The following NARS2 variants were observed in gnomAD, a reference collection of about 807,000 sequenced individuals.
The protein encoded by NARS2 is asparaginyl-tRNA synthetase.
NARS2 carries 60 observed loss-of-function variants against 62.9 expected under a neutral mutation model. The ratio of observed to expected loss-of-function variants is 0.95; its 90% CI spans 0.77 to 1.18. NARS2 has a LOEUF of 1.18. Ranked by LOEUF, NARS2 falls within the 50% of genes most tolerant of loss-of-function variation. The pLI, the probability that NARS2 is intolerant of heterozygous loss-of-function variation, is 0.00. For synonymous variants in NARS2, 196 were observed against 200.0 expected (o/e 0.98, Z 0.17); for missense variants, 619 against 576.4 (o/e 1.07, Z -0.76).
At chr11:78,463,847 C>G (rs1195884815) in intron 11 of NARS2, among the ~76,000 whole-genome samples, 1 of 151,812 alleles carries the variant, frequency 6.6e-6, no homozygotes, top group Non-Finnish European at 1.5e-5. Context: ...TGCCTGTATC[C>G]CTTCATAGCC....
chr11:78,523,401 C>T (rs1395521513), intron 6 of NARS2, among the ~76,000 whole-genome samples: 1 of 152,176 alleles, frequency 6.6e-6, no homozygotes, highest in Non-Finnish European at 1.5e-5. Context: ...CTGTGGAAAA[C>T]AGACTAGCAA....
chr11:78,443,492 G>A (rs927135174), intron 12 of NARS2, among the ~76,000 whole-genome samples, 169 bp downstream of exon 12: 1 of 152,040 alleles, frequency 6.6e-6, no homozygotes, highest in Non-Finnish European at 1.5e-5. Flanking sequence ...CCTGAAGAAC[G>A]GGAAGCTCAG....
chr11:78,438,434 C>A (rs1591114176), intron 13 of NARS2, among the ~76,000 whole-genome samples: 2 of 152,206 alleles, frequency 1.3e-5, no homozygotes, highest in Middle Eastern at 6.8e-3. Context: ...AACAGCACAC[C>A]AAACTACCTG....
intron 9 of NARS2, among the ~76,000 whole-genome samples, 159 bp downstream of exon 9, chr11:78,478,279 G>C (rs1859190758): frequency 6.6e-6 from 1 of 151,454 alleles, no homozygotes; most frequent in Non-Finnish European, 1.5e-5. Context: ...GTCTTGCCTG[G>C]AATCTGGGGA....
intron 2 of NARS2, 133 bp from the exon 3 acceptor site, chr11:78,568,885 G>C (rs975471968): frequency 1.6e-6 from 1 of 617,692 alleles, no homozygotes; most frequent in African/African-American, 1.8e-5. Context: ...ATAATCTTCA[G>C]AATCTATGGA....
intron 6 of NARS2, among the ~76,000 whole-genome samples, chr11:78,505,921 A>G (rs1420340871): frequency 6.6e-6 from 1 of 152,176 alleles, no homozygotes; most frequent in East Asian, 1.9e-4. Flanking sequence ...TGGAAAGAAA[A>G]GGCAGACTGG....
At chr11:78,456,271 C>T (rs1858160179) in intron 11 of NARS2, among the ~76,000 whole-genome samples, 1 of 152,114 alleles carries the variant, frequency 6.6e-6, no homozygotes, top group East Asian at 1.9e-4. Flanking sequence ...GTAACAAAAC[C>T]TTAGAAGTCT....
chr11:78,541,991 C>A (rs1162949878), intron 5 of NARS2, among the ~76,000 whole-genome samples: 1 of 152,200 alleles, frequency 6.6e-6, no homozygotes, highest in Non-Finnish European at 1.5e-5. Flanking sequence ...TTTCACTAAT[C>A]TAAAAATTTC....
intron 7 of NARS2, among the ~76,000 whole-genome samples, chr11:78,492,546 C>G (rs978601316): frequency 6.6e-6 from 1 of 152,180 alleles, no homozygotes; most frequent in Non-Finnish European, 1.5e-5. Context: ...ATGACCATCT[C>G]TCCAGCCTTG....
Position 78,571,408 on chromosome 11 carries a change from A to C in NARS2, c.178T>G (p.Leu60Val). 6.2e-7 allele frequency: 1 copy of C among 1,613,632 alleles called. No homozygotes were observed. Among genetic ancestry groups the C allele is most frequent in the Non-Finnish European group, 8.5e-7 (1 of 1,179,884 alleles). ...IRSVRSQKEVLFLHVNDGSSL... is the reference protein window; with the variant it reads ...IRSVRSQKEVVFLHVNDGSSL... ...GACCCATCATTTACATGCAGGAACA[A>C]GACTTCCTTCTGGGATCGGACAGAA... Residue 60 changes from leucine (L) to valine (V), a missense_variant, in exon 2 of 14, where the codon TTG becomes GTG. Physicochemically the swap from Leu to Val is conservative, Grantham distance 32. Coordinates refer to ENST00000281038, the MANE Select transcript of NARS2 (RefSeq NM_024678.6).
intron 11 of NARS2, among the ~76,000 whole-genome samples, chr11:78,459,522 G>A (rs1441984689): frequency 1.2e-4 from 18 of 151,700 alleles, no homozygotes; most frequent in Admixed American, 9.2e-4. Context: ...CACCCGCCTC[G>A]GCCTCCCAAA....
At chr11:78,562,570 TCA>T (rs1267657815) in intron 4 of NARS2, among the ~76,000 whole-genome samples, 1 of 152,172 alleles carries the variant, frequency 6.6e-6, no homozygotes, top group African/African-American at 2.4e-5. Context: ...TTCTACTGGC[TCA>T]CTGAGGAAGA....
At chr11:78,470,217 T>C (rs1858809386) in intron 9 of NARS2, among the ~76,000 whole-genome samples, 1 of 152,216 alleles carries the variant, frequency 6.6e-6, no homozygotes, top group Non-Finnish European at 1.5e-5. Context: ...AGGAAAATAC[T>C]GATTCTCTCC....
chr11:78,571,308 A>C (rs1369738637), intron 2 of NARS2, 27 bp downstream of exon 2: 3 of 1,484,474 alleles, frequency 2.0e-6, no homozygotes, highest in Non-Finnish European at 2.8e-6. Context: ...CAAAAATCAA[A>C]GAATTCTTTT....
intron 1 of NARS2, chr11:78,573,680 T>C (rs1035428446): frequency 6.6e-6 from 1 of 152,400 alleles, no homozygotes; most frequent in Non-Finnish European, 1.5e-5. Flanking sequence ...ATTTGTAGAC[T>C]ATGAGCCACT....
intron 11 of NARS2, among the ~76,000 whole-genome samples, chr11:78,455,415 T>C (rs1473288645): frequency 6.6e-6 from 1 of 152,148 alleles, no homozygotes. Flanking sequence ...GTGTAAAAAG[T>C]ACACAAATAA....
intron 6 of NARS2, among the ~76,000 whole-genome samples, chr11:78,497,443 A>G (rs1328743064): frequency 1.3e-5 from 2 of 152,106 alleles, no homozygotes; most frequent in African/African-American, 4.8e-5. Flanking sequence ...GTTTGGGAAG[A>G]ACTTATTCAG....
intron 3 of NARS2, among the ~76,000 whole-genome samples, chr11:78,568,099 A>G (rs964263902): frequency 6.6e-6 from 1 of 152,196 alleles, no homozygotes; most frequent in African/African-American, 2.4e-5. Flanking sequence ...TTACAATACT[A>G]CTGATCGGCA....
chr11:78,545,008 C>T lies in NARS2; in HGVS notation c.594+14531G>A, dbSNP rs1855801579. Among the ~76,000 whole-genome samples, 3 of 152,024 alleles carry T rather than the reference C, an allele frequency of 2.0e-5. No homozygotes were observed. The South Asian group carries it at 6.2e-4, about 31-fold the overall frequency. On this transcript the variant is annotated intron_variant, in intron 5 of 13. Coordinates refer to ENST00000281038, the MANE Select transcript of NARS2 (RefSeq NM_024678.6). ...ATATGTGAGTCACCAATATAACACA[C>T]CTGTTTAAGTCCTAATTTATAGTGG... is the stretch of plus-strand genomic sequence containing the variant.
Sources: allele counts gnomAD v4.1 joint callset (sites outside exome capture counted in the v4.1 genomes callset), GRCh38; gene constraint gnomAD v4.1.1; transcripts MANE v1.5; gene names NCBI Gene and HGNC (gene_info 2026-07-23, HGNC 2026-07-21).